Variants in ADAMTS2 observed in about 807,000 individuals in gnomAD.
ADAMTS2 encodes A disintegrin and metalloproteinase with thrombospondin motifs 2.
Under a neutral mutation model 123.0 loss-of-function variants are expected in ADAMTS2, and 50 were observed. The observed-to-expected ratio is 0.41, with a 90% CI of 0.32 to 0.51. The LOEUF is 0.51. ADAMTS2 is among the 20% of genes least tolerant of loss of function. The pLI, the probability that ADAMTS2 is intolerant of heterozygous loss-of-function variation, is 0.35. For synonymous variants in ADAMTS2, 678 were observed against 695.4 expected, an observed-to-expected ratio of 0.98 and a Z score of 0.39; for missense variants, 1,494 against 1,705.2, an observed-to-expected ratio of 0.88 and a Z score of 2.18.
chr5:179,152,391 G>A (rs1245461426), intron 9 of ADAMTS2, 136 bp from the exon 10 acceptor site: 2 of 851,164 alleles, frequency 2.3e-6, no homozygotes, highest in South Asian at 1.4e-5. Context: ...GCTGGTGGGT[G>A]TTGTGATTCT....
At chr5:179,124,354 A>G (rs924340447) in intron 19 of ADAMTS2, among the ~76,000 whole-genome samples, 1 of 152,062 alleles carries the variant, frequency 6.6e-6, no homozygotes, top group African/African-American at 2.4e-5. Flanking sequence ...GAAGCCCTTC[A>G]GTCCATCCTC....
At chr5:179,210,316 G>A (rs1039084078) in intron 3 of ADAMTS2, among the ~76,000 whole-genome samples, 1 of 152,238 alleles carries the variant, frequency 6.6e-6, no homozygotes, top group African/African-American at 2.4e-5. Flanking sequence ...GTGCCGCATC[G>A]GGACAGAGCT....
intron 3 of ADAMTS2, among the ~76,000 whole-genome samples, chr5:179,269,615 T>C (rs1356025608): frequency 6.6e-6 from 1 of 152,112 alleles, no homozygotes; most frequent in East Asian, 1.9e-4. Context: ...TTATGGGAGC[T>C]ACAAGATGAG....
In ADAMTS2 at chr5:179,137,850, C is replaced by A; in HGVS notation, c.1870G>T (p.Glu624Ter). The A allele has an allele frequency of 6.4e-7, 1 of 1,567,284 alleles. No individual in the cohort carries two copies. Among genetic ancestry groups the A allele is most frequent in the Non-Finnish European group, 8.6e-7 (1 of 1,157,466 alleles). ...AGGTCCCACTGGCGGCACTGCTCCT[C>A]GCGGAAGTCAGCCAGGGAGTCGGGG... is the stretch of plus-strand genomic sequence containing the variant. The part of the protein sequence containing the change: ...DCPDSLADFR[E>*]EQCRQWDLYF... Residue 624 changes from glutamate to a stop codon, truncating the protein, a stop_gained, in exon 12 of 22, where the codon GAG (glutamate) becomes TAG (stop). Coordinates refer to ENST00000251582, the MANE Select transcript of ADAMTS2 (RefSeq NM_014244.5). LOFTEE classifies it high-confidence loss of function.
At chr5:179,271,538 C>T (rs548329431) in intron 3 of ADAMTS2, among the ~76,000 whole-genome samples, 7 of 152,326 alleles carry the variant, frequency 4.6e-5, no homozygotes, top group Admixed American at 2.0e-4. Context: ...CCACGCTGGC[C>T]CTCCTAGATT....
Position 179,130,628 on chromosome 5 carries a change from T to C in ADAMTS2, c.2291-530A>G, listed in dbSNP as rs1762943126. On this transcript the variant is annotated intron_variant, in intron 15 of 21. Transcript: ENST00000251582. This position sits in a 1 kb window ranked among gnomAD's most constrained non-coding sequence, Gnocchi z 4.3. ...GCTCCCCACAGCCCCAGAAGAGGCC[T>C]GGCCTGATTGGGTGACACTCAGGTC... Among the ~76,000 whole-genome samples the C allele has an allele frequency of 6.6e-6, 1 of 152,152 alleles. No individual in the cohort carries two copies. The highest frequency in any genetic ancestry group is 1.5e-5 in the Non-Finnish European group (1 of 68,030).
chr5:179,336,308 T>C (rs1757610474), intron 2 of ADAMTS2, among the ~76,000 whole-genome samples: 2 of 152,228 alleles, frequency 1.3e-5, no homozygotes, highest in Admixed American at 1.3e-4. Flanking sequence ...AAGGCGCATG[T>C]AGCTTTGCAT....
At chr5:179,186,271 T>C (rs1764167571) in intron 4 of ADAMTS2, among the ~76,000 whole-genome samples, 1 of 152,180 alleles carries the variant, frequency 6.6e-6, no homozygotes, top group Non-Finnish European at 1.5e-5. Flanking sequence ...ACCACTGGCC[T>C]GGGTGGTTCT....
In ADAMTS2 at chr5:179,225,545, C is replaced by T. The variant is rs143062364; in HGVS notation, c.689-17830G>A. Among the ~76,000 whole-genome samples the T allele has an allele frequency of 4.2e-4, 64 of 152,218 alleles. No homozygotes were observed. Among genetic ancestry groups the T allele is most frequent in the African/African-American group, 1.5e-3 (61 of 41,544 alleles). ...CGAGACCCTAACAGGCAGACACAGG[C>T]GGCTGGACGTCGAGAGGAGCGCATG... On this transcript the variant is annotated intron_variant, in intron 3 of 21. Coordinates refer to ENST00000251582, the MANE Select transcript of ADAMTS2 (RefSeq NM_014244.5). The surrounding 1 kb of genome is among the most constrained non-coding windows in gnomAD (Gnocchi z 4.5).
chr5:179,319,291 C>T (rs1757090863), intron 2 of ADAMTS2, among the ~76,000 whole-genome samples: 1 of 152,222 alleles, frequency 6.6e-6, no homozygotes, highest in East Asian at 1.9e-4. Context: ...CACACATGCA[C>T]CAGAAAAATG....
rs985212869 is a variant in ADAMTS2, at chr5:179,189,786, G to A, written c.892-8631C>T. ...AAAGTATCTTCTTAAGGATGGGGGTGGGGAAGAATATTACTAAGTATCTTC... is the reference window on the plus strand; with the variant it reads ...AAAGTATCTTCTTAAGGATGGGGGTAGGGAAGAATATTACTAAGTATCTTC... On this transcript the variant is annotated intron_variant, in intron 4 of 21. Coordinates refer to ENST00000251582, the MANE Select transcript of ADAMTS2 (RefSeq NM_014244.5). The surrounding 1 kb of genome is among the most constrained non-coding windows in gnomAD (Gnocchi z 4.2). Among the ~76,000 whole-genome samples, 8 of 150,636 alleles carry A rather than the reference G, an allele frequency of 5.3e-5. No homozygotes were observed. Among genetic ancestry groups the A allele is most frequent in the African/African-American group, 9.8e-5 (4 of 40,822 alleles).
rs1189949718 is a variant in ADAMTS2 at position 179,341,320 on chromosome 5, G to C, written c.534+2447C>G. 7.8e-6 allele frequency: 3 copies of C among 383,850 alleles called. 1 individual carries two copies. The highest frequency in any genetic ancestry group is 4.4e-5 in the African/African-American group (2 of 45,930). The allele number at this position is 383,850 out of a possible 1,614,324, so 23.8% of individuals were successfully genotyped here. A position where few individuals can be genotyped will look rare whatever the true frequency, so the allele number is the denominator to read the frequency against. Reference sequence around the variant, plus strand: ...GCAGATCGCTTGAGGTCGGGAGTTTGAGACCAGCCTGATCAAAAGGAAAGA... The same window carrying C: ...GCAGATCGCTTGAGGTCGGGAGTTTCAGACCAGCCTGATCAAAAGGAAAGA... On this transcript the variant is annotated intron_variant, in intron 2 of 21. Coordinates refer to ENST00000251582, the MANE Select transcript of ADAMTS2 (RefSeq NM_014244.5).
At chr5:179,217,496 G>T (rs777101576) in intron 3 of ADAMTS2, among the ~76,000 whole-genome samples, 3 of 152,164 alleles carry the variant, frequency 2.0e-5, no homozygotes, top group Non-Finnish European at 4.4e-5. Context: ...GGGAGGAAAA[G>T]GTCAAATTTT....
intron 3 of ADAMTS2, among the ~76,000 whole-genome samples, chr5:179,226,039 G>A (rs894380242): frequency 3.9e-5 from 6 of 152,106 alleles, no homozygotes; most frequent in Admixed American, 2.6e-4. Context: ...CAGCCTGCCC[G>A]TCTGTATTCT....
intron 5 of ADAMTS2, among the ~76,000 whole-genome samples, chr5:179,160,430 G>A (rs1465246971): frequency 1.3e-5 from 2 of 152,208 alleles, no homozygotes; most frequent in Non-Finnish European, 1.5e-5. Context: ...CAGCCTAGGC[G>A]ACAGAGTGAG....
At chr5:179,199,841 A>G (rs1429316761) in intron 4 of ADAMTS2, among the ~76,000 whole-genome samples, 1 of 152,252 alleles carries the variant, frequency 6.6e-6, no homozygotes, top group Non-Finnish European at 1.5e-5. Context: ...TAAATGCTCT[A>G]ATATTTGCAT....
intron 13 of ADAMTS2, among the ~76,000 whole-genome samples, chr5:179,133,191 G>A (rs1762996635): frequency 6.6e-6 from 1 of 152,190 alleles, no homozygotes; most frequent in African/African-American, 2.4e-5. Flanking sequence ...TCTTGGGCAG[G>A]GGACTCATCG....
At chr5:179,253,638 T>TC (rs1765978121) in intron 3 of ADAMTS2, among the ~76,000 whole-genome samples, 1 of 146,668 alleles carries the variant, frequency 6.8e-6, no homozygotes, top group Admixed American at 6.7e-5. Flanking sequence ...AAAGTGAGAC[T>TC]CCATCTCAAA....
intron 3 of ADAMTS2, among the ~76,000 whole-genome samples, chr5:179,264,920 G>A (rs1296727266): frequency 1.4e-5 from 2 of 140,810 alleles, no homozygotes; most frequent in Non-Finnish European, 3.2e-5. Flanking sequence ...GCAGCATGCT[G>A]GGCGGAGCTG....
Sources: gnomAD v4.1 joint callset for allele counts (sites outside exome capture counted in the v4.1 genomes callset) on GRCh38, gnomAD v4.1.1 for gene constraint, Gnocchi (gnomAD v3.1) non-coding constraint, MANE v1.5 for transcripts, NCBI Gene and HGNC (gene_info 2026-07-23, HGNC 2026-07-21) for gene names.